NECAB1: variants seen among roughly 807,000 people sequenced by gnomAD.
NECAB1 encodes N-terminal EF-hand calcium-binding protein 1.
Under a neutral mutation model 57.5 loss-of-function variants are expected in NECAB1, and 29 were observed. That is an observed-to-expected ratio of 0.50 (90% CI 0.38 to 0.69). The LOEUF is 0.69. Among genes scored for constraint, NECAB1 ranks in the 30% least tolerant of loss-of-function variants. The pLI, the probability that NECAB1 is intolerant of heterozygous loss-of-function variation, is 0.00. For synonymous variants in NECAB1, 142 were observed against 147.7 expected, an observed-to-expected ratio of 0.96 and a Z score of 0.28; for missense variants, 372 against 413.8, an observed-to-expected ratio of 0.90 and a Z score of 0.88.
chr8:90,873,434 G>A (rs1563512766), intron 4 of NECAB1, among the ~76,000 whole-genome samples: 1 of 152,182 alleles, frequency 6.6e-6, no homozygotes, highest in Non-Finnish European at 1.5e-5. Context: ...ATGATGAATA[G>A]CAGTCACCAT....
At chr8:90,951,225 A>G in intron 12 of NECAB1, 21 bp downstream of exon 12, 1 of 1,415,948 alleles carries the variant, frequency 7.1e-7, no homozygotes, top group South Asian at 1.2e-5. Flanking sequence ...TGGGTTTACA[A>G]TGCTTCTGTG....
chr8:90,801,798 A>G (rs1811763064), intron 2 of NECAB1, 83 bp downstream of exon 2: 1 of 956,446 alleles, frequency 1.0e-6, no homozygotes, highest in African/African-American at 1.7e-5. Context: ...GAAAAAGGGG[A>G]CAGTCCGGGA....
intron 2 of NECAB1, among the ~76,000 whole-genome samples, chr8:90,822,237 TA>T: frequency 6.6e-6 from 1 of 152,080 alleles, no homozygotes. Flanking sequence ...GAAGTTTGAA[TA>T]AAATGTTTCT....
At chr8:90,866,910 C>T (rs746004918) in intron 3 of NECAB1, among the ~76,000 whole-genome samples, 1 of 151,992 alleles carries the variant, frequency 6.6e-6, no homozygotes, top group South Asian at 2.1e-4. Flanking sequence ...GGGTATATAC[C>T]GAAAGGATTG....
intron 3 of NECAB1, among the ~76,000 whole-genome samples, chr8:90,865,469 CTA>C (rs1259122929): frequency 6.6e-6 from 1 of 152,086 alleles, no homozygotes; most frequent in African/African-American, 2.4e-5. Context: ...TCATAGCCCT[CTA>C]TATATTTAGG....
rs1324055105 is a variant in NECAB1, at chr8:90,911,786, T to A, written c.358-5706T>A. ...CAAACAAACCCAGGTCTTGTGAAGT[T>A]TGAGCCAATGATCTGTCCATTACAC... On this transcript the variant is annotated intron_variant, in intron 5 of 12. Transcript: ENST00000417640. Among the ~76,000 whole-genome samples, 2 of 152,158 alleles carry A rather than the reference T, an allele frequency of 1.3e-5. 1 individual carries two copies. The highest frequency in any genetic ancestry group is 4.1e-4 in the South Asian group (2 of 4,830).
intron 3 of NECAB1, among the ~76,000 whole-genome samples, chr8:90,851,099 T>G (rs1415474633): frequency 1.3e-5 from 2 of 152,182 alleles, no homozygotes; most frequent in East Asian, 3.9e-4. Flanking sequence ...ATGATGGGGT[T>G]AAGACAGCAT....
At chr8:90,792,786 A>G (rs1811597246) in intron 1 of NECAB1, among the ~76,000 whole-genome samples, 2 of 151,258 alleles carry the variant, frequency 1.3e-5, no homozygotes, top group African/African-American at 4.9e-5. Flanking sequence ...TTATTTCTCA[A>G]TTTTGTTTTC....
At chr8:90,867,496 T>G (rs1435801050) in intron 3 of NECAB1, among the ~76,000 whole-genome samples, 2 of 152,236 alleles carry the variant, frequency 1.3e-5, no homozygotes, top group African/African-American at 4.8e-5. Context: ...ATCTAATACA[T>G]TTTCAAGTTT....
intron 7 of NECAB1, 34 bp downstream of exon 7, chr8:90,925,690 A>G (rs749376777): frequency 6.2e-7 from 1 of 1,611,594 alleles, no homozygotes; most frequent in South Asian, 1.1e-5. Flanking sequence ...TATTTGTCAA[A>G]GTCTATTTAT....
chr8:90,885,604 T>C (rs1045894783), intron 5 of NECAB1, among the ~76,000 whole-genome samples: 3 of 152,192 alleles, frequency 2.0e-5, no homozygotes, highest in Non-Finnish European at 4.4e-5. Flanking sequence ...AATATACACA[T>C]TTCAAAAATG....
intron 5 of NECAB1, among the ~76,000 whole-genome samples, chr8:90,912,793 T>C (rs531495066): frequency 6.6e-6 from 1 of 152,316 alleles, no homozygotes; most frequent in Non-Finnish European, 1.5e-5. Context: ...GGGACATAGA[T>C]AATGTGTGTA....
chr8:90,801,670 T>A (rs1366558288), intron 1 of NECAB1, 21 bp from the exon 2 acceptor site: 6 of 1,498,556 alleles, frequency 4.0e-6, no homozygotes, highest in Non-Finnish European at 5.4e-6. Flanking sequence ...CTGATAAAAT[T>A]TTTTCCTTTT....
intron 6 of NECAB1, among the ~76,000 whole-genome samples, chr8:90,919,272 T>C (rs111997045): frequency 6.6e-5 from 10 of 152,328 alleles, no homozygotes; most frequent in African/African-American, 1.9e-4. Flanking sequence ...GATGTGTTAC[T>C]TTAAACTTAT....
chr8:90,897,394 G>A (rs904915447), intron 5 of NECAB1, among the ~76,000 whole-genome samples: 12 of 152,302 alleles, frequency 7.9e-5, no homozygotes, highest in African/African-American at 2.6e-4. Flanking sequence ...ACAGGGTACT[G>A]CTCTAGACCC....
Position 90,955,545 on chromosome 8 carries a change from T to G in NECAB1, c.*33T>G, listed in dbSNP as rs1189639080. 2.0e-5 allele frequency: 31 copies of G among 1,516,588 alleles called. No individual in the cohort carries two copies. Among genetic ancestry groups the G allele is most frequent in the Non-Finnish European group, 2.8e-5 (31 of 1,120,000 alleles). 93.9% of individuals were successfully genotyped at this position (1,516,588 alleles called of 1,614,324 possible). A position where few individuals can be genotyped will look rare whatever the true frequency, so the allele number is the denominator to read the frequency against. The stretch of plus-strand genomic sequence containing the variant: ...TAGACATTTTCTTTATGGTTCCAAG[T>G]GCAAAACAGGTGTTCTTATCTAAAA... On this transcript the variant is annotated 3_prime_UTR_variant, in exon 13 of 13. Transcript: ENST00000417640.
At chr8:90,951,747 CA>C (rs1174005139) in intron 12 of NECAB1, among the ~76,000 whole-genome samples, 3 of 135,916 alleles carry the variant, frequency 2.2e-5, no homozygotes, top group Non-Finnish European at 4.5e-5. Flanking sequence ...GAAACGTTTG[CA>C]AAGACAAATT....
rs112417890 is a variant in NECAB1 at position 90,862,537 on chromosome 8, G to A, written c.234-9591G>A. Among the ~76,000 whole-genome samples, 40 of 152,212 alleles carry A rather than the reference G, an allele frequency of 2.6e-4. 1 individual carries two copies. Among genetic ancestry groups the A allele is most frequent in the African/African-American group, 9.4e-4 (39 of 41,564 alleles). The stretch of plus-strand genomic sequence containing the variant: ...TTAGTAAAATGAGGTATTTTATGAA[G>A]CAAACCAATGACATAAGTTCATTTA... On this transcript the variant is annotated intron_variant, in intron 3 of 12. Transcript: ENST00000417640.
At chr8:90,904,831 CAA>C (rs775579611) in intron 5 of NECAB1, among the ~76,000 whole-genome samples, 1 of 151,130 alleles carries the variant, frequency 6.6e-6, no homozygotes, top group Non-Finnish European at 1.5e-5. Context: ...ATATCAGTGC[CAA>C]AAAAAATACT....
Sources: allele counts gnomAD v4.1 joint callset (sites outside exome capture counted in the v4.1 genomes callset), GRCh38; gene constraint gnomAD v4.1.1; transcripts MANE v1.5; gene names NCBI Gene and HGNC (gene_info 2026-07-23, HGNC 2026-07-21).